The following USH1C variants were observed in gnomAD, a reference collection of about 807,000 sequenced individuals.
USH1C encodes harmonin.
A neutral mutation model predicts 119.3 loss-of-function variants in USH1C; 90 were observed. That is an observed-to-expected ratio of 0.75 (90% CI 0.64 to 0.90). The LOEUF (loss-of-function observed/expected upper bound fraction) is 0.90. Ranked by LOEUF, USH1C falls within the 40% of genes least tolerant of loss-of-function variation. USH1C has a pLI of 0.00. For missense variants in USH1C, 1,165 were observed against 1,167.7 expected, an observed-to-expected ratio of 1.00 and a Z score of 0.03; for synonymous variants, 465 against 443.3, an observed-to-expected ratio of 1.05 and a Z score of -0.62.
chr11:17,535,908 C>T lies in USH1C; in HGVS notation c.37-2586G>A, dbSNP rs142745695. Among the ~76,000 whole-genome samples, 838 of 152,288 alleles carry T rather than the reference C, an allele frequency of 5.5e-3. 5 individuals carry two copies. Among genetic ancestry groups the T allele is most frequent in the Non-Finnish European group, 7.0e-3 (477 of 68,034 alleles). On this transcript the variant is annotated intron_variant, in intron 1 of 26. Coordinates refer to ENST00000005226, the MANE Select transcript of USH1C (RefSeq NM_153676.4). ...ATGAACCTAAGTCTGACTCCAAAGC[C>T]CATGTTCTTTCTGCTACGCCACGAT...
rs1251046934 is a variant in USH1C, at chr11:17,494,303, C to G, written c.*29G>C. 6.2e-7 allele frequency: 1 copy of G among 1,604,806 alleles called. No individual in the cohort carries two copies. ...CAAGGCTGATCCGAGGCTTTGTGTT[C>G]ACGAGGTGGGGCCGGAGCTCACTGT... On this transcript the variant is annotated 3_prime_UTR_variant, in exon 27 of 27. Coordinates refer to ENST00000005226, the MANE Select transcript of USH1C (RefSeq NM_153676.4).
At chr11:17,533,041 T>C (rs773163257) in intron 2 of USH1C, among the ~76,000 whole-genome samples, 1 of 152,218 alleles carries the variant, frequency 6.6e-6, no homozygotes, top group Non-Finnish European at 1.5e-5. Context: ...CCAATCTGTC[T>C]GGCTCACAAC....
At chr11:17,521,251 A>G in intron 13 of USH1C, 95 bp downstream of exon 13, 1 of 1,333,026 alleles carries the variant, frequency 7.5e-7, no homozygotes, top group South Asian at 1.2e-5. Flanking sequence ...TGAGAGAACC[A>G]GGTAAACTGG....
At chr11:17,524,357 C>T in intron 9 of USH1C, 94 bp downstream of exon 9, 1 of 1,322,730 alleles carries the variant, frequency 7.6e-7, no homozygotes, top group Non-Finnish European at 1.1e-6. Context: ...TGAAAGAGGG[C>T]CATGTGGAAA....
intron 17 of USH1C, 26 bp from the exon 18 acceptor site, chr11:17,509,864 T>C: frequency 6.3e-7 from 1 of 1,581,884 alleles, no homozygotes; most frequent in South Asian, 1.1e-5. Context: ...GGAAGTTCTG[T>C]AATTGTCACT....
At chr11:17,523,012 G>A (rs1850488555) in intron 11 of USH1C, 86 bp from the exon 12 acceptor site, 1 of 1,595,420 alleles carries the variant, frequency 6.3e-7, no homozygotes, top group Non-Finnish European at 8.6e-7. Flanking sequence ...GATGCAGGTG[G>A]TCTTCTCAGC....
At chr11:17,511,083 C>T (rs1249902657) in intron 16 of USH1C, among the ~76,000 whole-genome samples, 1 of 152,176 alleles carries the variant, frequency 6.6e-6, no homozygotes, top group African/African-American at 2.4e-5. Context: ...ATACCTCCTA[C>T]AGCTGGGGAG....
intron 22 of USH1C, 114 bp from the exon 23 acceptor site, chr11:17,501,264 C>T: frequency 9.5e-7 from 1 of 1,048,728 alleles, no homozygotes; most frequent in East Asian, 2.6e-5. Flanking sequence ...GCCATGGGGT[C>T]ACCGGCAGTG....
At chr11:17,527,127 CTCCCTCCCT>C in intron 5 of USH1C, 87 bp from the exon 6 acceptor site, 31 of 945,896 alleles carry the variant, frequency 3.3e-5, no homozygotes, top group Non-Finnish European at 3.5e-5. Flanking sequence ...CTCCCCCGCC[CTCCCTCCCT>C]CCCACCGTCA....
At chr11:17,536,957 G>A (rs1014434712) in intron 1 of USH1C, among the ~76,000 whole-genome samples, 4 of 152,182 alleles carry the variant, frequency 2.6e-5, no homozygotes, top group Non-Finnish European at 5.9e-5. Context: ...CAAAGGGAGG[G>A]ATCATTCTCA....
At chr11:17,517,829 C>A (rs1207000645) in intron 14 of USH1C, among the ~76,000 whole-genome samples, 3 of 152,176 alleles carry the variant, frequency 2.0e-5, no homozygotes, top group African/African-American at 7.2e-5. Flanking sequence ...CGTTTGAGGG[C>A]AAGGGGCTGC....
intron 4 of USH1C, among the ~76,000 whole-genome samples, chr11:17,529,350 G>A (rs1380153895): frequency 1.3e-5 from 2 of 152,194 alleles, no homozygotes; most frequent in East Asian, 3.9e-4. Context: ...CAGAGGGGTG[G>A]ACCCCCAGGA....
At chr11:17,515,626 C>A (rs1850109153) in intron 15 of USH1C, among the ~76,000 whole-genome samples, 1 of 152,130 alleles carries the variant, frequency 6.6e-6, no homozygotes, top group South Asian at 2.1e-4. Flanking sequence ...AATCAAATGT[C>A]AATGTGATTT....
In USH1C at chr11:17,501,107, G is replaced by C; in HGVS notation, c.2324C>G (p.Pro775Arg). 6.2e-7 allele frequency: 1 copy of C among 1,614,050 alleles called. No individual in the cohort carries two copies. Among genetic ancestry groups the C allele is most frequent in the Non-Finnish European group, 8.5e-7 (1 of 1,180,006 alleles). ...AGCAGAAACGACCACCTTCCCAATG[G>C]GGGAGTCCACACCGCCTTCCAGGGC... is the stretch of plus-strand genomic sequence containing the variant. ...DLALEGGVDS[P>R]IGKVVVSAVY... The change falls in exon 23 of 27, where the codon CCC becomes CGC. Residue 775 changes from proline (P) to arginine (R), a missense_variant. By Grantham distance (103) the Pro-to-Arg change is moderately radical. Coordinates refer to ENST00000005226, the MANE Select transcript of USH1C (RefSeq NM_153676.4).
Position 17,510,438 on chromosome 11 carries a change from C to T in USH1C, c.1497G>A (p.Glu499=), listed in dbSNP as rs1419397392. The T allele has an allele frequency of 6.2e-7, 1 of 1,612,598 alleles. No homozygotes were observed. Among genetic ancestry groups the T allele is most frequent in the Non-Finnish European group, 8.5e-7 (1 of 1,179,756 alleles). The change falls in exon 17 of 27, where the codon GAG becomes GAA. Residue 499 remains glutamate, a synonymous_variant. Transcript: ENST00000005226. ...WVERLCQTRL[E]QISSADNEIS... ...TCTCATTATCAGCAGAGGAAATCTG[C>T]TCGAGGCGCGTTTGACAGAGCCTCT...
Position 17,531,624 on chromosome 11 carries a change from C to T in USH1C, c.105-82G>A. 1 of 1,568,918 alleles carries T rather than the reference C, an allele frequency of 6.4e-7. No homozygotes were observed. Among genetic ancestry groups the T allele is most frequent in the Non-Finnish European group, 8.6e-7 (1 of 1,158,134 alleles). ...CAGGGATTCCAAGAGGAAGCCATTT[C>T]AGCCACTGGGCCCAGGCTTAGGAAT... On this transcript the variant is annotated intron_variant, in intron 2 of 26. Transcript: ENST00000005226. The surrounding 1 kb of genome is among the most constrained non-coding windows in gnomAD (Gnocchi z 4.2).
chr11:17,544,046 G>T (rs1851591779), intron 1 of USH1C, among the ~76,000 whole-genome samples: 1 of 152,252 alleles, frequency 6.6e-6, no homozygotes, highest in Admixed American at 6.5e-5. Context: ...AAGGCTGGCA[G>T]AAGATCGACT....
chr11:17,510,423 A>G lies in USH1C; in HGVS notation c.1512T>C (p.Ala504=), dbSNP rs886043309. ...CQTRLEQISS[A]DNEISEMTTG... ...CTGTTACCTCTGAAATCTCATTATC[A>G]GCAGAGGAAATCTGCTCGAGGCGCG... The change falls in exon 17 of 27, where the codon GCT becomes GCC. Residue 504 remains alanine, a synonymous_variant. Coordinates refer to ENST00000005226, the MANE Select transcript of USH1C (RefSeq NM_153676.4). 36 of 1,612,058 alleles carry G rather than the reference A, an allele frequency of 2.2e-5. No homozygotes were observed. The highest frequency in any genetic ancestry group is 2.8e-5 in the Non-Finnish European group (33 of 1,179,632).
chr11:17,501,648 T>C, intron 21 of USH1C, 113 bp from the exon 22 acceptor site: 1 of 1,285,274 alleles, frequency 7.8e-7, no homozygotes, highest in Admixed American at 2.0e-5. Flanking sequence ...ACAGAGCACA[T>C]GGGCAAGGGG....
Sources: gnomAD v4.1 joint callset for allele counts (sites outside exome capture counted in the v4.1 genomes callset) on GRCh38, gnomAD v4.1.1 for gene constraint, Gnocchi (gnomAD v3.1) non-coding constraint, MANE v1.5 for transcripts, NCBI Gene and HGNC (gene_info 2026-07-23, HGNC 2026-07-21) for gene names.